OXNAD1: variants seen among roughly 807,000 people sequenced by gnomAD.
OXNAD1 encodes the protein oxidoreductase NAD binding domain containing 1.
In OXNAD1, 34 loss-of-function variants were observed where a neutral mutation model predicts 32.9. That is an observed-to-expected ratio of 1.03 (90% CI 0.79 to 1.38). OXNAD1 has a LOEUF of 1.38. Among genes scored for constraint, OXNAD1 ranks in the 40% most tolerant of loss-of-function variants. The probability of loss-of-function intolerance (pLI) is 0.00; values close to 1 mark genes in which losing one functional copy is unlikely to be tolerated. For missense variants in OXNAD1, 407 were observed against 379.4 expected (o/e 1.07, Z -0.60); for synonymous variants, 134 against 135.2 (o/e 0.99, Z 0.06).
rs1258140737 is a variant in OXNAD1 at position 16,287,037 on chromosome 3, A to C, written c.290+589A>C. Among the ~76,000 whole-genome samples the C allele has an allele frequency of 6.6e-6, 1 of 152,110 alleles. No individual in the cohort carries two copies. Among genetic ancestry groups the C allele is most frequent in the South Asian group, 2.1e-4 (1 of 4,822 alleles). On this transcript the variant is annotated intron_variant, in intron 5 of 8. Transcript: ENST00000285083. The surrounding 1 kb of genome is among the most constrained non-coding windows in gnomAD (Gnocchi z 4.8). ...CCCAGCTCCCCAGAACCCCCACACA[A>C]ATCATAAGTCTGTCCCATTTGACTC... is the stretch of plus-strand genomic sequence containing the variant.
In OXNAD1 at chr3:16,305,956, T is replaced by TCTAA. The variant is rs1350869327; in HGVS notation, c.*2397_*2400dup. On this transcript the variant is annotated 3_prime_UTR_variant, in exon 9 of 9. Transcript: ENST00000285083. This position sits in a 1 kb window ranked among gnomAD's most constrained non-coding sequence, Gnocchi z 4.5. ...AAGAGGCTGGATGCCTTAGATGTGG[T>TCTAA]CTAACTTGAAACCTTCATGTGGGTG... The TCTAA allele has an allele frequency of 6.6e-6, 1 of 152,214 alleles. No individual in the cohort carries two copies. The highest frequency in any genetic ancestry group is 6.5e-5 in the Admixed American group (1 of 15,286). 9.4% of individuals were successfully genotyped at this position (152,214 alleles called of 1,614,324 possible).
At chr3:16,313,327 G>A (rs2068107282) in intron 9 of OXNAD1, among the ~76,000 whole-genome samples, 1 of 151,498 alleles carries the variant, frequency 6.6e-6, no homozygotes, top group Non-Finnish European at 1.5e-5. Flanking sequence ...ATAGGCGTGA[G>A]CCACCACACC....
Position 16,271,723 on chromosome 3 carries a change from G to A in OXNAD1, c.183+1G>A. On this transcript the variant is annotated splice_donor_variant, in intron 4 of 8. Transcript: ENST00000285083. LOFTEE classifies it high-confidence loss of function. This position sits in a 1 kb window ranked among gnomAD's most constrained non-coding sequence, Gnocchi z 4.6. Reference sequence around the variant, plus strand: ...AACTGCAAGTGTCCTTCGACGGGAGGTTTGTATCTTTGGGGTATGACAGGT... The same window carrying A: ...AACTGCAAGTGTCCTTCGACGGGAGATTTGTATCTTTGGGGTATGACAGGT... The A allele has an allele frequency of 6.2e-7, 1 of 1,606,150 alleles. No homozygotes were observed. The highest frequency in any genetic ancestry group is 8.5e-7 in the Non-Finnish European group (1 of 1,177,996).
rs754019928 is a variant in OXNAD1 at position 16,289,093 on chromosome 3, G to A, written c.290+2645G>A. Reference sequence around the variant, plus strand: ...AAAGAGGGAGCAGTAGTATTCCTACGTTTTGGGATATTTAAAGTGTTTAGC... The same window carrying A: ...AAAGAGGGAGCAGTAGTATTCCTACATTTTGGGATATTTAAAGTGTTTAGC... On this transcript the variant is annotated intron_variant, in intron 5 of 8. Transcript: ENST00000285083. This position sits in a 1 kb window ranked among gnomAD's most constrained non-coding sequence, Gnocchi z 4.9. 5.9e-5 allele frequency among the ~76,000 whole-genome samples: 9 copies of A among 152,264 alleles called. No homozygotes were observed. The East Asian group carries it at 1.2e-3, about 20-fold the overall frequency.
In OXNAD1 at chr3:16,335,648, T is replaced by A. The variant is rs1181624891; in HGVS notation, c.*31-1464T>A. 1.3e-5 allele frequency among the ~76,000 whole-genome samples: 2 copies of A among 151,626 alleles called. No homozygotes were observed. Among genetic ancestry groups the A allele is most frequent in the Non-Finnish European group, 2.9e-5 (2 of 67,954 alleles). ...TGGAGGTGTGGGAGGAGGGAGAGCA[T>A]CAGGAAAAATAGCTAATGGATGCTG... On this transcript the variant is annotated intron_variant, in intron 9 of 9. Transcript: ENST00000435829. This position sits in a 1 kb window ranked among gnomAD's most constrained non-coding sequence, Gnocchi z 4.7.
In OXNAD1 at chr3:16,344,330, G is replaced by GTT. The variant is rs11425499; in HGVS notation, c.*31-4835_*31-4834dup. Among the ~76,000 whole-genome samples the GTT allele has an allele frequency of 4.1e-4, 60 of 147,436 alleles. No individual in the cohort carries two copies. The highest frequency in any genetic ancestry group is 3.5e-3 in the Middle Eastern group (1 of 286). On this transcript the variant is annotated intron_variant, in intron 9 of 9. Transcript: ENST00000606098. This position sits in a 1 kb window ranked among gnomAD's most constrained non-coding sequence, Gnocchi z 4.4. ...GTGGATTAGATCAGTAATTTTCAAG[G>GTT]TTTTTTTTTTTTAATTAGTAGGATG...
At chr3:16,281,628 A>C (rs1197749490) in intron 4 of OXNAD1, among the ~76,000 whole-genome samples, 1 of 152,238 alleles carries the variant, frequency 6.6e-6, no homozygotes, top group Non-Finnish European at 1.5e-5. Context: ...AATATGGCTT[A>C]ATAGAAAGTA....
Position 16,327,110 on chromosome 3 carries a change from C to T in OXNAD1, c.*31-10002C>T, listed in dbSNP as rs1288701536. Reference sequence around the variant, plus strand: ...AGTCTGTGATGTCAGCAAGGAATTACAGCCAAAAGATTAATCCATTAATTT... The same window carrying T: ...AGTCTGTGATGTCAGCAAGGAATTATAGCCAAAAGATTAATCCATTAATTT... On this transcript the variant is annotated intron_variant, in intron 9 of 9. Coordinates refer to the OXNAD1 transcript ENST00000435829. The surrounding 1 kb of genome is among the most constrained non-coding windows in gnomAD (Gnocchi z 4.2). Among the ~76,000 whole-genome samples the T allele has an allele frequency of 1.3e-5, 2 of 152,206 alleles. No homozygotes were observed. Among genetic ancestry groups the T allele is most frequent in the Non-Finnish European group, 2.9e-5 (2 of 68,040 alleles).
intron 6 of OXNAD1, among the ~76,000 whole-genome samples, chr3:16,295,325 C>T (rs1020891030): frequency 1.3e-5 from 2 of 152,088 alleles, no homozygotes; most frequent in Non-Finnish European, 2.9e-5. Context: ...TTATTTTGTC[C>T]TAACCATCCT....
At chr3:16,281,387 C>G (rs2125022180) in intron 4 of OXNAD1, among the ~76,000 whole-genome samples, 1 of 152,288 alleles carries the variant, frequency 6.6e-6, no homozygotes, top group South Asian at 2.1e-4. Context: ...ATCTGAAATG[C>G]TCCAAAATCC....
At chr3:16,315,566 T>TA (rs1264543177) in intron 9 of OXNAD1, 1 of 152,246 alleles carries the variant, frequency 6.6e-6, no homozygotes, top group Non-Finnish European at 1.5e-5. Flanking sequence ...TTGCTTATTT[T>TA]AAAAAGGTAT....
intron 9 of OXNAD1, chr3:16,323,294 T>G (rs1014620713): frequency 9.8e-7 from 1 of 1,023,348 alleles, no homozygotes; most frequent in Non-Finnish European, 1.5e-6. Flanking sequence ...TGGAGCAGGC[T>G]GCCCCCTCAA....
intron 9 of OXNAD1, among the ~76,000 whole-genome samples, chr3:16,319,650 C>G (rs868681744): frequency 2.0e-5 from 3 of 152,304 alleles, no homozygotes; most frequent in Middle Eastern, 3.4e-3. Context: ...CCCCTGGATG[C>G]CTGGCCACAT....
chr3:16,290,969 G>A lies in OXNAD1; in HGVS notation c.291-3887G>A, dbSNP rs1409882706. 1.3e-5 allele frequency among the ~76,000 whole-genome samples: 2 copies of A among 152,146 alleles called. No individual in the cohort carries two copies. Among genetic ancestry groups the A allele is most frequent in the African/African-American group, 2.4e-5 (1 of 41,432 alleles). On this transcript the variant is annotated intron_variant, in intron 5 of 8. Transcript: ENST00000285083. This position sits in a 1 kb window ranked among gnomAD's most constrained non-coding sequence, Gnocchi z 4.2. ...TGGATGTTTATGTTTCCCAGATATG[G>A]GGATGAGAATTTTTTGTGGTTCTGT... is the stretch of plus-strand genomic sequence containing the variant.
chr3:16,274,167 T>TA (rs34969392), intron 4 of OXNAD1, among the ~76,000 whole-genome samples: 1,716 of 122,370 alleles, frequency 0.014, 34 homozygotes, highest in African/African-American at 0.044. Flanking sequence ...GTACTATCAC[T>TA]AAAAAAAAAA....
chr3:16,334,937 G>A lies in OXNAD1; in HGVS notation c.*31-2175G>A, dbSNP rs1228695683. ...GATGTGATGGCAGCAGCAGAGGCTGGAGTGATGCAGGGAAGGGGCCACGAG... is the reference window on the plus strand; with the variant it reads ...GATGTGATGGCAGCAGCAGAGGCTGAAGTGATGCAGGGAAGGGGCCACGAG... On this transcript the variant is annotated intron_variant, in intron 9 of 9. Transcript: ENST00000435829. This position sits in a 1 kb window ranked among gnomAD's most constrained non-coding sequence, Gnocchi z 4.3. Among the ~76,000 whole-genome samples, 1 of 152,190 alleles carries A rather than the reference G, an allele frequency of 6.6e-6. No individual in the cohort carries two copies. The highest frequency in any genetic ancestry group is 2.4e-5 in the African/African-American group (1 of 41,458).
intron 9 of OXNAD1, chr3:16,323,397 T>G: frequency 2.5e-6 from 4 of 1,610,802 alleles, no homozygotes; most frequent in Non-Finnish European, 3.4e-6. Context: ...TCTTCTTGAT[T>G]TTCTGAGGTA....
At chr3:16,272,037 T>C (rs2064976114) in intron 4 of OXNAD1, 1 of 488,878 alleles carries the variant, frequency 2.0e-6, no homozygotes. Flanking sequence ...GAACTTCCTT[T>C]AAAGCCTACA....
intron 9 of OXNAD1, among the ~76,000 whole-genome samples, chr3:16,319,557 C>T (rs966051931): frequency 6.6e-6 from 1 of 152,166 alleles, no homozygotes; most frequent in Admixed American, 6.5e-5. Context: ...ACAATTCCAC[C>T]ACGTGCTAGA....
Sources: gnomAD v4.1 joint callset for allele counts (sites outside exome capture counted in the v4.1 genomes callset) on GRCh38, gnomAD v4.1.1 for gene constraint, Gnocchi (gnomAD v3.1) non-coding constraint, MANE v1.5 for transcripts, NCBI Gene and HGNC (gene_info 2026-07-23, HGNC 2026-07-21) for gene names.